Variants in AIG1 observed in about 807,000 individuals in gnomAD.
AIG1 encodes the protein androgen induced 1.
A neutral mutation model predicts 31.4 loss-of-function variants in AIG1; 23 were observed. The observed-to-expected ratio is 0.73, with a 90% CI of 0.53 to 1.04. The LOEUF is 1.04. Ranked by LOEUF, AIG1 falls within the 50% of genes least tolerant of loss-of-function variation. The probability of loss-of-function intolerance (pLI) is 0.00; values close to 1 mark genes in which losing one functional copy is unlikely to be tolerated. For synonymous variants in AIG1, 100 were observed against 110.5 expected (o/e 0.90, Z 0.60); for missense variants, 274 against 295.0 (o/e 0.93, Z 0.52).
intron 3 of AIG1, among the ~76,000 whole-genome samples, chr6:143,242,707 G>A (rs1243467801): frequency 6.6e-6 from 1 of 152,162 alleles, no homozygotes; most frequent in Non-Finnish European, 1.5e-5. Context: ...TCAGAAAGAT[G>A]GCACCTACAG....
Position 143,136,893 on chromosome 6 carries a change from C to A in AIG1, c.200C>A (p.Thr67Asn), listed in dbSNP as rs765955240. 6.5e-7 allele frequency: 1 copy of A among 1,534,460 alleles called. No homozygotes were observed. The highest frequency in any genetic ancestry group is 8.9e-7 in the Non-Finnish European group (1 of 1,129,858). The change falls in exon 2 of 6, where the codon ACT (threonine) becomes AAT (asparagine). Residue 67 changes from threonine to asparagine, a missense_variant. Physicochemically the swap from Thr to Asn is moderately conservative, Grantham distance 65 (BLOSUM62 0). Coordinates refer to ENST00000357847, the MANE Select transcript of AIG1 (RefSeq NM_016108.4). Reference protein sequence around the residue: ...CVLTDLSSLLTRGSGNQEQER... With the variant: ...CVLTDLSSLLNRGSGNQEQER... ...CTGACTGATCTTTCCAGTCTTCTGACTCGAGGAAGTGGGAACCAGGAGCAA... is the reference window on the plus strand; with the variant it reads ...CTGACTGATCTTTCCAGTCTTCTGAATCGAGGAAGTGGGAACCAGGAGCAA...
chr6:143,156,006 T>G (rs921253781), intron 2 of AIG1, among the ~76,000 whole-genome samples: 1 of 152,114 alleles, frequency 6.6e-6, no homozygotes, highest in Non-Finnish European at 1.5e-5. Context: ...ATAGGGACAT[T>G]AGAGCCTGAA....
intron 1 of AIG1, among the ~76,000 whole-genome samples, chr6:143,133,320 C>T (rs1360538504): frequency 6.6e-6 from 1 of 152,006 alleles, no homozygotes; most frequent in African/African-American, 2.4e-5. Context: ...CATGAGACTT[C>T]TTGGGTCTCT....
chr6:143,234,379 C>G (rs144324750), intron 3 of AIG1, among the ~76,000 whole-genome samples: 233 of 152,272 alleles, frequency 1.5e-3, no homozygotes, highest in African/African-American at 5.5e-3. Flanking sequence ...TGCCTTCTTT[C>G]AGAAATAGAT....
intron 3 of AIG1, among the ~76,000 whole-genome samples, chr6:143,269,221 T>C (rs1439866621): frequency 6.6e-6 from 1 of 152,190 alleles, no homozygotes; most frequent in Non-Finnish European, 1.5e-5. Flanking sequence ...AGTAGGACAA[T>C]CTGGATGGCT....
chr6:143,105,469 A>G (rs766933063), intron 1 of AIG1, among the ~76,000 whole-genome samples: 7 of 152,254 alleles, frequency 4.6e-5, no homozygotes, highest in Non-Finnish European at 8.8e-5. Context: ...GTCCAGGAGT[A>G]TCATAGCTGG....
chr6:143,062,232 G>C (rs1473862323), intron 1 of AIG1, among the ~76,000 whole-genome samples: 1 of 152,182 alleles, frequency 6.6e-6, no homozygotes, highest in East Asian at 1.9e-4. Context: ...TTTCAGAGTG[G>C]AATTTCAATT....
chr6:143,204,280 T>G (rs1243423281), intron 3 of AIG1, among the ~76,000 whole-genome samples: 11 of 152,168 alleles, frequency 7.2e-5, no homozygotes. Context: ...TCTGTGGTCT[T>G]TGGCTGACAT....
intron 4 of AIG1, among the ~76,000 whole-genome samples, chr6:143,310,986 A>T (rs1002294210): frequency 6.6e-6 from 1 of 151,904 alleles, no homozygotes; most frequent in African/African-American, 2.4e-5. Flanking sequence ...TTAGGTTCAG[A>T]TGGCTTCACT....
At chr6:143,238,215 A>T (rs1793958692) in intron 3 of AIG1, among the ~76,000 whole-genome samples, 1 of 152,170 alleles carries the variant, frequency 6.6e-6, no homozygotes. Flanking sequence ...TCCTGGGATT[A>T]CAGGCGTGAG....
At chr6:143,304,078 A>G (rs1222207099) in intron 4 of AIG1, among the ~76,000 whole-genome samples, 1 of 149,674 alleles carries the variant, frequency 6.7e-6, no homozygotes, top group Admixed American at 6.7e-5. Context: ...TTGATTTTGT[A>G]TCCTGAGACT....
intron 3 of AIG1, among the ~76,000 whole-genome samples, chr6:143,243,216 T>C (rs1442465828): frequency 6.6e-6 from 1 of 152,220 alleles, no homozygotes; most frequent in Non-Finnish European, 1.5e-5. Flanking sequence ...CATTTGCAGC[T>C]GGGTATGTAG....
At position 143,293,217 on chromosome 6, in the gene AIG1, G is replaced by T. The variant is rs571593342; in HGVS notation, c.515+8992G>T. 1.1e-4 allele frequency among the ~76,000 whole-genome samples: 16 copies of T among 151,894 alleles called. No homozygotes were observed. Among genetic ancestry groups the T allele is most frequent in the Non-Finnish European group, 2.2e-4 (15 of 67,968 alleles). On this transcript the variant is annotated intron_variant, in intron 4 of 5. Transcript: ENST00000357847. This position sits in a 1 kb window ranked among gnomAD's most constrained non-coding sequence, Gnocchi z 4.8. ...CTTTTTTTCTCTCTCTCTCTTCCCC[G>T]CCACCCTTATTTTATTTTCATTTTA... is the stretch of plus-strand genomic sequence containing the variant.
intron 4 of AIG1, among the ~76,000 whole-genome samples, chr6:143,311,540 A>G (rs1030065950): frequency 8.6e-5 from 13 of 151,990 alleles, no homozygotes; most frequent in African/African-American, 3.1e-4. Context: ...CACAACATCA[A>G]TAAGCTAAAG....
intron 3 of AIG1, among the ~76,000 whole-genome samples, chr6:143,219,600 C>T (rs1487801870): frequency 6.6e-6 from 1 of 152,120 alleles, no homozygotes; most frequent in East Asian, 1.9e-4. Flanking sequence ...GCCTGTAGAA[C>T]TCCTCTGATT....
At chr6:143,093,551 T>C (rs898612256) in intron 1 of AIG1, among the ~76,000 whole-genome samples, 1 of 152,266 alleles carries the variant, frequency 6.6e-6, no homozygotes, top group Non-Finnish European at 1.5e-5. Context: ...GTACTTTTAA[T>C]TTCTTTCAAT....
intron 3 of AIG1, among the ~76,000 whole-genome samples, chr6:143,235,937 A>G (rs898410319): frequency 5.3e-5 from 8 of 152,116 alleles, no homozygotes; most frequent in African/African-American, 1.7e-4. Context: ...CACCTCTCCA[A>G]TGAGGGTCTC....
chr6:143,342,450 A>G, downstream of AIG1: 1 of 767,742 alleles, frequency 1.3e-6, no homozygotes, highest in Non-Finnish European at 2.4e-6. Context: ...AGACACGGCA[A>G]CAAGTGGTGA....
intron 3 of AIG1, among the ~76,000 whole-genome samples, chr6:143,259,743 C>T (rs1795618537): frequency 6.6e-6 from 1 of 152,064 alleles, no homozygotes. Context: ...AGCCAGAAAC[C>T]CAAAGGGAAG....
Sources: allele counts gnomAD v4.1 joint callset (sites outside exome capture counted in the v4.1 genomes callset), GRCh38; gene constraint gnomAD v4.1.1; non-coding constraint Gnocchi (gnomAD v3.1); transcripts MANE v1.5; gene names NCBI Gene and HGNC (gene_info 2026-07-23, HGNC 2026-07-21).